ARHGAP24: variants seen among roughly 807,000 people sequenced by gnomAD.
ARHGAP24 encodes the protein Rho GTPase activating protein 24, also known as rho GTPase-activating protein 24.
ARHGAP24 carries 50 observed loss-of-function variants against 76.4 expected under a neutral mutation model. The observed-to-expected ratio is 0.65, with a 90% CI of 0.52 to 0.83. ARHGAP24 has a LOEUF of 0.83. ARHGAP24 is among the 40% of genes least tolerant of loss of function. The pLI is 0.00. For missense variants in ARHGAP24, 930 were observed against 914.2 expected (o/e 1.02, Z -0.22); for synonymous variants, 345 against 323.3 (o/e 1.07, Z -0.72).
intron 2 of ARHGAP24, among the ~76,000 whole-genome samples, chr4:85,681,061 C>CA (rs1233083779): frequency 6.6e-6 from 1 of 152,044 alleles, no homozygotes; most frequent in African/African-American, 2.4e-5. Context: ...AGAATGTTCT[C>CA]AAAATTCAAC....
At chr4:85,895,597 T>C (rs1257597167) in intron 3 of ARHGAP24, among the ~76,000 whole-genome samples, 1 of 152,206 alleles carries the variant, frequency 6.6e-6, no homozygotes, top group Non-Finnish European at 1.5e-5. Context: ...ATGGTCTACA[T>C]TAATAATGTT....
intron 1 of ARHGAP24, among the ~76,000 whole-genome samples, chr4:85,511,020 ATAAAGCCATC>A (rs1289870806): frequency 6.6e-6 from 1 of 152,200 alleles, no homozygotes; most frequent in African/African-American, 2.4e-5. Flanking sequence ...GGTAATTCAA[ATAAAGCCATC>A]TAACGGCCAC....
chr4:85,662,835 C>T lies in ARHGAP24; in HGVS notation c.181-59050C>T, dbSNP rs184153535. On this transcript the variant is annotated intron_variant, in intron 2 of 9. Transcript: ENST00000395184. ...CAAAGATCAGATAGTTGTAGATATG[C>T]GGCGTTATTTCTGAGGGCTCTGTTC... 2.9e-3 allele frequency among the ~76,000 whole-genome samples: 440 copies of T among 152,124 alleles called. 1 individual carries two copies. The highest frequency in any genetic ancestry group is 9.6e-3 in the African/African-American group (400 of 41,490).
At chr4:85,898,029 A>ATGTG (rs1376648156) in intron 3 of ARHGAP24, among the ~76,000 whole-genome samples, 1 of 54,870 alleles carries the variant, frequency 1.8e-5, no homozygotes, top group Non-Finnish European at 3.5e-5. Context: ...ACACACATAT[A>ATGTG]TGTGTATATA....
chr4:85,675,848 G>T (rs1722963350), intron 2 of ARHGAP24, among the ~76,000 whole-genome samples: 1 of 152,180 alleles, frequency 6.6e-6, no homozygotes, highest in Non-Finnish European at 1.5e-5. Flanking sequence ...CATCAGGCAG[G>T]ATGGTTAGAG....
At chr4:85,541,400 G>A (rs899503711) in intron 1 of ARHGAP24, among the ~76,000 whole-genome samples, 2 of 120,744 alleles carry the variant, frequency 1.7e-5, no homozygotes, top group East Asian at 2.0e-4. Context: ...TGATCCGCCC[G>A]CCTCGGCCTC....
At chr4:85,507,050 G>A (rs758578180) in intron 1 of ARHGAP24, among the ~76,000 whole-genome samples, 2 of 152,154 alleles carry the variant, frequency 1.3e-5, no homozygotes, top group Non-Finnish European at 2.9e-5. Context: ...AATGTGAACT[G>A]AGATTTTTAA....
At chr4:85,872,410 C>G (rs1732584668) in intron 3 of ARHGAP24, among the ~76,000 whole-genome samples, 1 of 151,812 alleles carries the variant, frequency 6.6e-6, no homozygotes, top group Non-Finnish European at 1.5e-5. Flanking sequence ...AATTCTCCTG[C>G]CTCAGCCTCC....
At chr4:85,783,282 TG>T (rs1435570497) in intron 3 of ARHGAP24, among the ~76,000 whole-genome samples, 1 of 152,212 alleles carries the variant, frequency 6.6e-6, no homozygotes, top group Non-Finnish European at 1.5e-5. Context: ...AAAATTTTAC[TG>T]TTGTGTATTC....
At position 85,669,798 on chromosome 4, in the gene ARHGAP24, A is replaced by G. The variant is rs552540800; in HGVS notation, c.181-52087A>G. On this transcript the variant is annotated intron_variant, in intron 2 of 9. Transcript: ENST00000395184. Reference sequence around the variant, plus strand: ...TCTTCCATAGATGATAATAATAGGAAAATAATTTAGTGAATAATTTAGTGA... The same window carrying G: ...TCTTCCATAGATGATAATAATAGGAGAATAATTTAGTGAATAATTTAGTGA... 2.0e-5 allele frequency among the ~76,000 whole-genome samples: 3 copies of G among 151,266 alleles called. No individual in the cohort carries two copies. In the South Asian group the frequency reaches 6.3e-4, roughly 32 times the overall value.
chr4:85,850,611 C>T (rs1240675937), intron 3 of ARHGAP24, among the ~76,000 whole-genome samples: 3 of 152,206 alleles, frequency 2.0e-5, no homozygotes, highest in South Asian at 2.1e-4. Flanking sequence ...CCTATACACA[C>T]TGCTTTAAAT....
chr4:85,748,926 A>C (rs1560614339), intron 3 of ARHGAP24, among the ~76,000 whole-genome samples: 1 of 152,162 alleles, frequency 6.6e-6, no homozygotes, highest in Non-Finnish European at 1.5e-5. Flanking sequence ...GCACATCTGC[A>C]TCATTCCTGT....
At chr4:85,477,842 G>A (rs41401555) in intron 1 of ARHGAP24, among the ~76,000 whole-genome samples, 8,149 of 152,230 alleles carry the variant, frequency 0.054, 716 homozygotes, top group African/African-American at 0.18. Flanking sequence ...AGTTCAGGCC[G>A]TGCGTTTGTT....
At chr4:85,795,594 C>T (rs1268664703) in intron 3 of ARHGAP24, among the ~76,000 whole-genome samples, 1 of 152,100 alleles carries the variant, frequency 6.6e-6, no homozygotes, top group East Asian at 1.9e-4. Context: ...GAACAAGACT[C>T]TTTATTTGTA....
intron 2 of ARHGAP24, among the ~76,000 whole-genome samples, chr4:85,626,692 C>T (rs1401887846): frequency 1.3e-5 from 2 of 152,164 alleles, no homozygotes; most frequent in Non-Finnish European, 2.9e-5. Context: ...GTTCCATTCT[C>T]CCCATCACTT....
At chr4:85,879,347 T>C (rs973004300) in intron 3 of ARHGAP24, among the ~76,000 whole-genome samples, 1 of 152,186 alleles carries the variant, frequency 6.6e-6, no homozygotes, top group Non-Finnish European at 1.5e-5. Context: ...CCTGGAGATG[T>C]ACTCTGATCA....
chr4:85,893,843 G>A (rs1283837637), intron 3 of ARHGAP24, among the ~76,000 whole-genome samples: 3 of 147,692 alleles, frequency 2.0e-5, no homozygotes, highest in Non-Finnish European at 3.0e-5. Context: ...GTAAACTATC[G>A]CAAGAACAAA....
chr4:85,936,098 G>A (rs1032962761), intron 4 of ARHGAP24, among the ~76,000 whole-genome samples: 1 of 152,056 alleles, frequency 6.6e-6, no homozygotes, highest in African/African-American at 2.4e-5. Flanking sequence ...CATTTTAATG[G>A]AAAATTCTTA....
chr4:85,932,313 C>T (rs1736378599), intron 4 of ARHGAP24, among the ~76,000 whole-genome samples: 1 of 152,138 alleles, frequency 6.6e-6, no homozygotes. Flanking sequence ...GATAGTTTCC[C>T]CTTCTAGTTC....
Sources: allele counts gnomAD v4.1 joint callset (sites outside exome capture counted in the v4.1 genomes callset), GRCh38; gene constraint gnomAD v4.1.1; transcripts MANE v1.5; gene names NCBI Gene and HGNC (gene_info 2026-07-23, HGNC 2026-07-21).